Variants in BCL9L observed in about 807,000 individuals in gnomAD.
BCL9L encodes the protein BCL9 like, also known as B-cell CLL/lymphoma 9-like protein.
In BCL9L, 19 loss-of-function variants were observed where a neutral mutation model predicts 99.4. The ratio of observed to expected loss-of-function variants is 0.19; its 90% CI spans 0.13 to 0.28. BCL9L has a LOEUF of 0.28. Among genes scored for constraint, BCL9L ranks in the 10% least tolerant of loss-of-function variants. The probability of loss-of-function intolerance (pLI) is 1.00; values close to 1 mark genes in which losing one functional copy is unlikely to be tolerated. For synonymous variants in BCL9L, 900 were observed against 854.8 expected, an observed-to-expected ratio of 1.05 and a Z score of -0.92; for missense variants, 2,023 against 2,101.6, an observed-to-expected ratio of 0.96 and a Z score of 0.73.
chr11:118,924,012 C>A (rs1486863708), intron 1 of BCL9L, among the ~76,000 whole-genome samples: 1 of 152,164 alleles, frequency 6.6e-6, no homozygotes, highest in Admixed American at 6.5e-5. Context: ...GGTAGCCCGG[C>A]CCATGCTGAG....
At chr11:118,899,762 A>C (rs1054887216) in intron 9 of BCL9L, among the ~76,000 whole-genome samples, 155 bp downstream of exon 9, 1 of 152,106 alleles carries the variant, frequency 6.6e-6, no homozygotes, top group African/African-American at 2.4e-5. Context: ...GGGTTTCCCT[A>C]ATGACTCCAG....
At chr11:118,910,306 G>A (rs893627121) in intron 2 of BCL9L, 3 of 249,256 alleles carry the variant, frequency 1.2e-5, no homozygotes, top group Non-Finnish European at 1.6e-5. Context: ...CGTGTGGGGC[G>A]GCTGTGAGGT....
At position 118,907,622 on chromosome 11, in the gene BCL9L, G is replaced by C. The variant is rs750034695; in HGVS notation, c.413-20C>G. On this transcript the variant is annotated intron_variant, in intron 4 of 9. Transcript: ENST00000683865. ...CCACCTCTGCCCAGGCAGGACGGAGGAAAGAGTGAGTGCCTAGAGGCCCCA... is the reference window on the plus strand; with the variant it reads ...CCACCTCTGCCCAGGCAGGACGGAGCAAAGAGTGAGTGCCTAGAGGCCCCA... The C allele has an allele frequency of 1.2e-6, 2 of 1,608,684 alleles. No homozygotes were observed. Among genetic ancestry groups the C allele is most frequent in the South Asian group, 1.1e-5 (1 of 91,082 alleles).
Position 118,903,349 on chromosome 11 carries a change from G to A in BCL9L, c.636C>T (p.Gly212=). 1.3e-6 allele frequency: 2 copies of A among 1,599,160 alleles called. No homozygotes were observed. The highest frequency in any genetic ancestry group is 8.5e-7 in the Non-Finnish European group (1 of 1,173,588). ...CATCAGGCCGAAGGCCAGGAGGAGG[G>A]CCGTGCGGGGCGCCTGGCACGCTGC... The part of the protein sequence containing the change: ...SESSVPGAPH[G]PPPGLRPDAP... The change falls in exon 6 of 10, where the codon GGC becomes GGT. Residue 212 remains glycine, a synonymous_variant. Transcript: ENST00000683865. The surrounding 1 kb of genome is among the most constrained non-coding windows in gnomAD (Gnocchi z 5.6).
Position 118,898,294 on chromosome 11 carries a change from G to GCCCCCACCCCCCCCC in BCL9L, c.*120_*121insGGGGGGGGGTGGGGG. The GCCCCCACCCCCCCCC allele has an allele frequency of 4.4e-6, 2 of 452,312 alleles. No individual in the cohort carries two copies. The highest frequency in any genetic ancestry group is 8.2e-6 in the Non-Finnish European group (2 of 244,762). 28.0% of individuals were successfully genotyped at this position (452,312 alleles called of 1,614,324 possible). A position where few individuals can be genotyped will look rare whatever the true frequency, so the allele number is the denominator to read the frequency against. On this transcript the variant is annotated 3_prime_UTR_variant, in exon 10 of 10. Transcript: ENST00000683865. ...TCCACAAATGCCACTCCCTACACAA[G>GCCCCCACCCCCCCCC]CCCCCTCCCACCCCCTCCACCCCAC...
chr11:118,919,056 A>G (rs1330441901), intron 1 of BCL9L, among the ~76,000 whole-genome samples, 177 bp from the exon 2 acceptor site: 1 of 65,140 alleles, frequency 1.5e-5, no homozygotes, highest in African/African-American at 5.7e-5. Context: ...CCCCACCAGG[A>G]CTTCTGTGGA....
Position 118,901,672 on chromosome 11 carries a change from T to A in BCL9L, c.2071A>T (p.Met691Leu). Residue 691 changes from methionine (M) to leucine (L), a missense_variant, in exon 8 of 10, where the codon ATG (methionine) becomes TTG (leucine). Around this residue, in one of 3 missense-constraint regions of BCL9L, gnomAD observed 1,116 missense variants for 1,194.6 expected, o/e 0.93. Coordinates refer to ENST00000683865, the MANE Select transcript of BCL9L (RefSeq NM_001378213.1). This position sits in a 1 kb window ranked among gnomAD's most constrained non-coding sequence, Gnocchi z 6.6. ...HQLLEKRSMGMQRPLGMAGSG... is the reference protein window; with the variant it reads ...HQLLEKRSMGLQRPLGMAGSG... ...CCTGCCATGCCCAGGGGGCGCTGCA[T>A]GCCCATCGACCGCTTCTCCAGCAGC... 2 of 1,613,756 alleles carry A rather than the reference T, an allele frequency of 1.2e-6. No homozygotes were observed. Among genetic ancestry groups the A allele is most frequent in the Non-Finnish European group, 1.7e-6 (2 of 1,180,034 alleles).
In BCL9L at chr11:118,908,670, G is replaced by A; in HGVS notation, c.27-15C>T. 1 of 1,595,606 alleles carries A rather than the reference G, an allele frequency of 6.3e-7. No homozygotes were observed. ...GGTGGGGTAACCTGGGAGGAGGTGG[G>A]AGAAATGTGAAAAGTTAACCTTGCT... On this transcript the variant is annotated splice_polypyrimidine_tract_variant and intron_variant, in intron 3 of 9. Transcript: ENST00000683865.
At chr11:118,907,991 C>T (rs1351086529) in intron 4 of BCL9L, among the ~76,000 whole-genome samples, 2 of 152,138 alleles carry the variant, frequency 1.3e-5, no homozygotes, top group Non-Finnish European at 2.9e-5. Context: ...CACTCCATGG[C>T]ACCTCCCTCT....
intron 1 of BCL9L, among the ~76,000 whole-genome samples, chr11:118,919,126 A>T (rs1233264471): frequency 6.9e-5 from 1 of 14,418 alleles, no homozygotes; most frequent in Non-Finnish European, 1.3e-4. Flanking sequence ...CCGACCCCCC[A>T]ACCCCCGCCC....
intron 5 of BCL9L, among the ~76,000 whole-genome samples, chr11:118,904,708 A>G (rs1940435120): frequency 6.6e-6 from 1 of 152,188 alleles, no homozygotes; most frequent in Non-Finnish European, 1.5e-5. Context: ...TGGGAGACAG[A>G]TTGCCTGAAG....
At position 118,903,509 on chromosome 11, in the gene BCL9L, C is replaced by G; in HGVS notation, c.533-57G>C. ...GTGGTCTAGATACAAGAAGGACCAG[C>G]TGATGCCCCCTCCCACTGATGCTCA... On this transcript the variant is annotated intron_variant, in intron 5 of 9. Coordinates refer to ENST00000683865, the MANE Select transcript of BCL9L (RefSeq NM_001378213.1). The surrounding 1 kb of genome is among the most constrained non-coding windows in gnomAD (Gnocchi z 5.6). 6.5e-7 allele frequency: 1 copy of G among 1,547,910 alleles called. No homozygotes were observed. Among genetic ancestry groups the G allele is most frequent in the African/African-American group, 1.4e-5 (1 of 73,622 alleles).
At chr11:118,912,495 G>A (rs956945442) in intron 2 of BCL9L, among the ~76,000 whole-genome samples, 1 of 152,188 alleles carries the variant, frequency 6.6e-6, no homozygotes, top group African/African-American at 2.4e-5. Context: ...CCCCCACCCC[G>A]AGTGACGCGA....
chr11:118,900,496 G>A lies in BCL9L; in HGVS notation c.3124+123C>T. ...AATGTCATCATCTGCCCCATAAGCA[G>A]AGCCATCCACCTCTGGGCCCGTGGT... On this transcript the variant is annotated intron_variant, in intron 8 of 9. Coordinates refer to ENST00000683865, the MANE Select transcript of BCL9L (RefSeq NM_001378213.1). The surrounding 1 kb of genome is among the most constrained non-coding windows in gnomAD (Gnocchi z 5.3). 11 of 1,447,502 alleles carry A rather than the reference G, an allele frequency of 7.6e-6. No individual in the cohort carries two copies. The highest frequency in any genetic ancestry group is 1.0e-5 in the Non-Finnish European group (11 of 1,102,384). The allele number at this position is 1,447,502 out of a possible 1,614,324, so 89.7% of individuals were successfully genotyped here.
At chr11:118,911,292 C>A (rs1283267289) in intron 2 of BCL9L, 2 of 455,304 alleles carry the variant, frequency 4.4e-6, no homozygotes, top group Middle Eastern at 4.2e-4. Context: ...GGCCAGACAC[C>A]GGTGCACACT....
At chr11:118,917,793 C>T (rs973462842) in intron 2 of BCL9L, among the ~76,000 whole-genome samples, 3 of 152,176 alleles carry the variant, frequency 2.0e-5, no homozygotes, top group African/African-American at 7.2e-5. Context: ...AACTCCAGTC[C>T]GTTACTTCCT....
chr11:118,919,645 C>A (rs558735490), intron 1 of BCL9L, among the ~76,000 whole-genome samples: 1 of 151,998 alleles, frequency 6.6e-6, no homozygotes, highest in Non-Finnish European at 1.5e-5. Context: ...CTGCACTGGG[C>A]GGGGGGTGTC....
At chr11:118,920,181 A>G (rs1941099985) in intron 1 of BCL9L, among the ~76,000 whole-genome samples, 1 of 152,090 alleles carries the variant, frequency 6.6e-6, no homozygotes, top group South Asian at 2.1e-4. Flanking sequence ...TTCCATTCCC[A>G]TCCTGAGATC....
Position 118,914,109 on chromosome 11 carries a change from T to C in BCL9L, c.-76-4094A>G. On this transcript the variant is annotated intron_variant, in intron 2 of 9. Transcript: ENST00000683865. This position sits in a 1 kb window ranked among gnomAD's most constrained non-coding sequence, Gnocchi z 4.4. Reference sequence around the variant, plus strand: ...CTATGGAGACTCCCATCTCAGGAGGTGGTGTGGTGCTGGGTTCACATGGGT... The same window carrying C: ...CTATGGAGACTCCCATCTCAGGAGGCGGTGTGGTGCTGGGTTCACATGGGT... 6.6e-6 allele frequency among the ~76,000 whole-genome samples: 1 copy of C among 151,660 alleles called. No individual in the cohort carries two copies. The highest frequency in any genetic ancestry group is 2.4e-5 in the African/African-American group (1 of 41,242).
Sources: allele counts gnomAD v4.1 joint callset (sites outside exome capture counted in the v4.1 genomes callset), GRCh38; gene constraint gnomAD v4.1.1; regional missense constraint gnomAD v4.1.1; non-coding constraint Gnocchi (gnomAD v3.1); transcripts MANE v1.5; gene names NCBI Gene and HGNC (gene_info 2026-07-23, HGNC 2026-07-21).